LNX1: variants seen among roughly 807,000 people sequenced by gnomAD.
The protein encoded by LNX1 is E3 ubiquitin-protein ligase LNX.
LNX1 carries 54 observed loss-of-function variants against 68.4 expected under a neutral mutation model. The ratio of observed to expected loss-of-function variants is 0.79; its 90% CI spans 0.63 to 0.99. The LOEUF (loss-of-function observed/expected upper bound fraction) is 0.99, where lower values mean the gene tolerates loss of function less well. LNX1 is among the 50% of genes least tolerant of loss of function. LNX1 has a pLI of 0.00. For missense variants in LNX1, 906 were observed against 926.4 expected, an observed-to-expected ratio of 0.98 and a Z score of 0.29; for synonymous variants, 336 against 350.0, an observed-to-expected ratio of 0.96 and a Z score of 0.45.
intron 2 of LNX1, among the ~76,000 whole-genome samples, chr4:53,516,515 G>T (rs1358204397): frequency 6.6e-6 from 1 of 152,080 alleles, no homozygotes; most frequent in Admixed American, 6.5e-5. Context: ...ATTGGAGAAG[G>T]CTTCTTAGAA....
At chr4:53,605,785 T>C (rs1482909403) in intron 2 of LNX1, among the ~76,000 whole-genome samples, 1 of 152,202 alleles carries the variant, frequency 6.6e-6, no homozygotes, top group African/African-American at 2.4e-5. Context: ...AATATTCCAT[T>C]GTACATATGA....
chr4:53,486,237 C>T (rs1288648442), intron 6 of LNX1, among the ~76,000 whole-genome samples: 1 of 152,144 alleles, frequency 6.6e-6, no homozygotes, highest in Admixed American at 6.5e-5. Context: ...GTCCTCCGCT[C>T]CTGGCAGAGC....
chr4:53,493,417 C>T (rs1724840601), intron 6 of LNX1, among the ~76,000 whole-genome samples: 1 of 152,196 alleles, frequency 6.6e-6, no homozygotes, highest in Non-Finnish European at 1.5e-5. Flanking sequence ...AGCTAAGGTA[C>T]CACGTGTGTT....
intron 1 of LNX1, among the ~76,000 whole-genome samples, chr4:53,630,095 G>C (rs1405545667): frequency 6.6e-6 from 1 of 151,864 alleles, no homozygotes; most frequent in Non-Finnish European, 1.5e-5. Flanking sequence ...AAAAAAGGTG[G>C]GGGGGGCATG....
chr4:53,634,704 G>A (rs377672068), intron 1 of LNX1, among the ~76,000 whole-genome samples: 12 of 152,210 alleles, frequency 7.9e-5, no homozygotes, highest in Admixed American at 4.6e-4. Context: ...ACAGTTGAAT[G>A]TAGTCCATTT....
At chr4:53,515,184 C>CAG (rs1263065158) in intron 2 of LNX1, among the ~76,000 whole-genome samples, 2 of 152,130 alleles carry the variant, frequency 1.3e-5, no homozygotes, top group Non-Finnish European at 2.9e-5. Flanking sequence ...ACATTAGTGC[C>CAG]AGAGAAGTGT....
intron 1 of LNX1, among the ~76,000 whole-genome samples, chr4:53,577,077 G>T (rs950920502): frequency 5.3e-5 from 8 of 152,206 alleles, no homozygotes; most frequent in Admixed American, 1.3e-4. Flanking sequence ...AGGGGGTAAA[G>T]TTGTTTCAAG....
chr4:53,459,492 T>C lies in LNX1; in HGVS notation c.*1415A>G. Reference sequence around the variant, plus strand: ...TGTGTATATTAGTACCAGAAGTAGATACTATAAATCTTGTTATTTTTCTGG... The same window carrying C: ...TGTGTATATTAGTACCAGAAGTAGACACTATAAATCTTGTTATTTTTCTGG... On this transcript the variant is annotated 3_prime_UTR_variant, in exon 11 of 11. Coordinates refer to ENST00000263925, the MANE Select transcript of LNX1 (RefSeq NM_001126328.3). 1.2e-6 allele frequency: 2 copies of C among 1,611,982 alleles called. No homozygotes were observed. The highest frequency in any genetic ancestry group is 1.7e-6 in the Non-Finnish European group (2 of 1,178,410).
At chr4:53,531,610 C>G (rs1321785332) in intron 2 of LNX1, among the ~76,000 whole-genome samples, 1 of 152,196 alleles carries the variant, frequency 6.6e-6, no homozygotes, top group East Asian at 1.9e-4. Flanking sequence ...TGCTTCTCCA[C>G]CATGTAAACA....
chr4:53,603,914 T>A (rs762826524), intron 2 of LNX1: 2 of 152,218 alleles, frequency 1.3e-5, no homozygotes, highest in African/African-American at 2.4e-5. Context: ...TCTGATAGGT[T>A]GGTGCCTCTA....
intron 1 of LNX1, among the ~76,000 whole-genome samples, chr4:53,638,795 T>G (rs1734573396): frequency 6.6e-6 from 1 of 152,036 alleles, no homozygotes; most frequent in African/African-American, 2.4e-5. Flanking sequence ...TTAAATAAGG[T>G]GCCCCAGTCA....
intron 2 of LNX1, among the ~76,000 whole-genome samples, chr4:53,543,765 C>T (rs557100409): frequency 9.7e-4 from 147 of 152,220 alleles, no homozygotes; most frequent in Middle Eastern, 3.4e-3. Context: ...ATCCATATGC[C>T]TCAATTCAAC....
At chr4:53,556,702 C>T (rs1729938133) in intron 2 of LNX1, among the ~76,000 whole-genome samples, 2 of 152,148 alleles carry the variant, frequency 1.3e-5, no homozygotes, top group Non-Finnish European at 2.9e-5. Flanking sequence ...TAAGATGGGA[C>T]CAGATAATCC....
chr4:53,621,097 G>A (rs1451946037), upstream of LNX1, among the ~76,000 whole-genome samples: 2 of 152,172 alleles, frequency 1.3e-5, no homozygotes, highest in Admixed American at 1.3e-4. Context: ...ACAGGGCACG[G>A]TGACATCACC....
At chr4:53,511,704 G>T (rs1176078902) in intron 2 of LNX1, among the ~76,000 whole-genome samples, 1 of 152,130 alleles carries the variant, frequency 6.6e-6, no homozygotes, top group African/African-American at 2.4e-5. Flanking sequence ...GAAAGAAAAT[G>T]AATCTCCTTC....
chr4:53,636,641 C>T (rs1734491847), intron 1 of LNX1, among the ~76,000 whole-genome samples: 1 of 152,104 alleles, frequency 6.6e-6, no homozygotes, highest in Admixed American at 6.6e-5. Flanking sequence ...GGTTTCTACC[C>T]ACTTCCATTT....
At chr4:53,502,469 A>G (rs1401847213) in intron 4 of LNX1, among the ~76,000 whole-genome samples, 1 of 152,244 alleles carries the variant, frequency 6.6e-6, no homozygotes, top group Admixed American at 6.5e-5. Flanking sequence ...TTGCTAAAAC[A>G]TGCTGTTTAA....
intron 1 of LNX1, chr4:53,576,210 T>A: frequency 6.3e-7 from 1 of 1,597,854 alleles, no homozygotes; most frequent in Non-Finnish European, 8.5e-7. Flanking sequence ...TCTCCACCAG[T>A]GCCCTGGCTC....
rs141255291 is a variant in LNX1, at chr4:53,468,175, G to A, written c.1893-6582C>T. On this transcript the variant is annotated intron_variant, in intron 9 of 10. Transcript: ENST00000263925. ...AAACTCTACAAGCCAGAAGAGAGTG[G>A]GGGCCAATATTCAACATCCTTAAAA... 5.0e-4 allele frequency among the ~76,000 whole-genome samples: 76 copies of A among 152,272 alleles called. 1 individual carries two copies. In the East Asian group the frequency reaches 0.013, roughly 26 times the overall value.
Sources: gnomAD v4.1 joint callset for allele counts (sites outside exome capture counted in the v4.1 genomes callset) on GRCh38, gnomAD v4.1.1 for gene constraint, MANE v1.5 for transcripts, NCBI Gene and HGNC (gene_info 2026-07-23, HGNC 2026-07-21) for gene names.